Variants in SPRN observed in about 807,000 individuals in gnomAD.
The protein encoded by SPRN is shadow of prion protein.
For missense variants in SPRN, 312 were observed against 241.4 expected, an observed-to-expected ratio of 1.29 and a Z score of -1.94; for synonymous variants, 182 against 123.4, an observed-to-expected ratio of 1.48 and a Z score of -3.15.
intron 1 of SPRN, 112 bp from the exon 2 acceptor site, chr10:133,423,809 G>T (rs1850308101): frequency 4.1e-6 from 3 of 724,656 alleles, no homozygotes; most frequent in Non-Finnish European, 6.1e-6. Context: ...GGATCAGGGT[G>T]CCCCCAGCAT....
In SPRN at chr10:133,423,607, C is replaced by T. The variant is rs750673221; in HGVS notation, c.75G>A (p.Lys25=). The T allele has an allele frequency of 6.5e-6, 10 of 1,538,286 alleles. No individual in the cohort carries two copies. The highest frequency in any genetic ancestry group is 8.7e-6 in the Non-Finnish European group (10 of 1,147,182). The stretch of plus-strand genomic sequence containing the variant: ...TGCCCCGCGCACCTCCGCGGCCGCC[C>T]TTGGCTGCGCCGCTGTCGCAGAGGA... ...AAFLCDSGAA[K]GGRGGARGSA... is the part of the protein sequence containing the mutation. The change falls in exon 2 of 2, where the codon AAG becomes AAA. Residue 25 remains lysine, a synonymous_variant. Transcript: ENST00000685335.
Position 133,423,470 on chromosome 10 carries a change from G to C in SPRN, c.212C>G (p.Ala71Gly). The C allele has an allele frequency of 8.6e-7, 1 of 1,163,574 alleles. No homozygotes were observed. Among genetic ancestry groups the C allele is most frequent in the East Asian group, 4.0e-5 (1 of 24,866 alleles). The allele number at this position is 1,163,574 out of a possible 1,614,324, so 72.1% of individuals were successfully genotyped here. A position where few individuals can be genotyped will look rare whatever the true frequency, so the allele number is the denominator to read the frequency against. Residue 71 changes from alanine to glycine, a missense_variant, in exon 2 of 2, where the codon GCG (alanine) becomes GGG (glycine). Transcript: ENST00000685335. ...GSSLRVAAAGAAAGAAAGAAA... is the reference protein window; with the variant it reads ...GSSLRVAAAGGAAGAAAGAAA... The stretch of plus-strand genomic sequence containing the variant: ...CGCTCCCGCCGCCGCCCCGGCTGCC[G>C]CCCCGGCGGCAGCCACGCGCAGGGA...
Position 133,423,174 on chromosome 10 carries a change from T to C in SPRN, c.*52A>G. ...AGGGGGAGCCCAGGCCGGAGGATCCTGGGGGATGGCGCGGGCCGGGGGCCA... is the reference window on the plus strand; with the variant it reads ...AGGGGGAGCCCAGGCCGGAGGATCCCGGGGGATGGCGCGGGCCGGGGGCCA... On this transcript the variant is annotated 3_prime_UTR_variant, in exon 2 of 2. Coordinates refer to ENST00000685335, the MANE Select transcript of SPRN (RefSeq NM_001391974.1). The C allele has an allele frequency of 2.2e-6, 3 of 1,361,682 alleles. No homozygotes were observed. Among genetic ancestry groups the C allele is most frequent in the South Asian group, 1.7e-5 (1 of 59,636 alleles). 84.3% of individuals were successfully genotyped at this position (1,361,682 alleles called of 1,614,324 possible).
rs1268661492 is a variant in SPRN at position 133,420,858 on chromosome 10, A to AC, written c.*2367dup. The AC allele has an allele frequency of 6.6e-6, 1 of 152,260 alleles. No individual in the cohort carries two copies. The highest frequency in any genetic ancestry group is 1.5e-5 in the Non-Finnish European group (1 of 68,118). The allele number at this position is 152,260 out of a possible 1,614,324, so 9.4% of individuals were successfully genotyped here. On this transcript the variant is annotated 3_prime_UTR_variant, in exon 2 of 2. Transcript: ENST00000685335. ...AGGCCGCCCGGCATGGGCAGTAGAGACCCCTGGCCTCTGAGCACCTTCTAG... is the reference window on the plus strand; with the variant it reads ...AGGCCGCCCGGCATGGGCAGTAGAGACCCCCTGGCCTCTGAGCACCTTCTAG...
At position 133,423,022 on chromosome 10, in the gene SPRN, C is replaced by G; in HGVS notation, c.*204G>C. The G allele has an allele frequency of 1.9e-6, 1 of 513,354 alleles. No individual in the cohort carries two copies. Among genetic ancestry groups the G allele is most frequent in the Non-Finnish European group, 3.4e-6 (1 of 298,374 alleles). 31.8% of individuals were successfully genotyped at this position (513,354 alleles called of 1,614,324 possible). On this transcript the variant is annotated 3_prime_UTR_variant, in exon 2 of 2. Coordinates refer to ENST00000685335, the MANE Select transcript of SPRN (RefSeq NM_001391974.1). ...ATCCTGGAGTGGGTGGGGCAGGGCC[C>G]ATGGTCTCCTCTAGGTGGGAGGTGG... is the stretch of plus-strand genomic sequence containing the variant.
Position 133,423,259 on chromosome 10 carries a change from G to A in SPRN, c.423C>T (p.Gly141=), listed in dbSNP as rs903982263. ...RGPRLCLVLG[G]ALGALGLLRP ...GCAGCAGCCCCAGGGCTCCGAGGGC[G>A]CCGCCCAGCACGAGACAGAGACGCG... Residue 141 remains glycine, a synonymous_variant, in exon 2 of 2, where the codon GGC becomes GGT. Coordinates refer to ENST00000685335, the MANE Select transcript of SPRN (RefSeq NM_001391974.1). The A allele has an allele frequency of 4.7e-6, 7 of 1,490,720 alleles. No homozygotes were observed. The highest frequency in any genetic ancestry group is 1.4e-5 in the African/African-American group (1 of 69,074). 92.3% of individuals were successfully genotyped at this position (1,490,720 alleles called of 1,614,324 possible). A position where few individuals can be genotyped will look rare whatever the true frequency, so the allele number is the denominator to read the frequency against.
rs897069213 is a variant in SPRN at position 133,423,293 on chromosome 10, G to T, written c.389C>A (p.Thr130Lys). 2.0e-6 allele frequency: 3 copies of T among 1,519,366 alleles called. No individual in the cohort carries two copies. The highest frequency in any genetic ancestry group is 1.2e-5 in the South Asian group (1 of 81,850). 94.1% of individuals were successfully genotyped at this position (1,519,366 alleles called of 1,614,324 possible). A position where few individuals can be genotyped will look rare whatever the true frequency, so the allele number is the denominator to read the frequency against. ...CACGAGACAGAGACGCGGGCCGCGC[G>T]TGGGTCCAGCGCCCGAAGTCCACGC... The part of the protein sequence containing the change: ...YRAWTSGAGP[T>K]RGPRLCLVLG... The change falls in exon 2 of 2, where the codon ACG (threonine) becomes AAG (lysine). Residue 130 changes from threonine (T) to lysine (K), a missense_variant. Thr to Lys is a moderately conservative substitution (Grantham distance 78). Transcript: ENST00000685335.
chr10:133,423,146 G>A lies in SPRN; in HGVS notation c.*80C>T. 7.6e-7 allele frequency: 1 copy of A among 1,313,112 alleles called. No individual in the cohort carries two copies. The highest frequency in any genetic ancestry group is 3.0e-5 in the Admixed American group (1 of 32,848). 81.3% of individuals were successfully genotyped at this position (1,313,112 alleles called of 1,614,324 possible). On this transcript the variant is annotated 3_prime_UTR_variant, in exon 2 of 2. Coordinates refer to ENST00000685335, the MANE Select transcript of SPRN (RefSeq NM_001391974.1). Reference sequence around the variant, plus strand: ...GGGCTCCAAGACCGTGGGCAAGGGAGGAAGGGGGAGCCCAGGCCGGAGGAT... The same window carrying A: ...GGGCTCCAAGACCGTGGGCAAGGGAAGAAGGGGGAGCCCAGGCCGGAGGAT...
rs1850273086 is a variant in SPRN, at chr10:133,422,682, G to C, written c.*544C>G. On this transcript the variant is annotated 3_prime_UTR_variant, in exon 2 of 2. Transcript: ENST00000685335. ...TTTTCCTGCTTGGGAATGTTCCTGGGCTGTGAGATCCACTCTTCTGGGCAG... is the reference window on the plus strand; with the variant it reads ...TTTTCCTGCTTGGGAATGTTCCTGGCCTGTGAGATCCACTCTTCTGGGCAG... 1 of 152,462 alleles carries C rather than the reference G, an allele frequency of 6.6e-6. No homozygotes were observed. The highest frequency in any genetic ancestry group is 2.4e-5 in the African/African-American group (1 of 41,554). The allele number at this position is 152,462 out of a possible 1,614,324, so 9.4% of individuals were successfully genotyped here. A position where few individuals can be genotyped will look rare whatever the true frequency, so the allele number is the denominator to read the frequency against.
rs1255716418 is a variant in SPRN, at chr10:133,421,601, C to T, written c.*1625G>A. ...GAAGGGGTGGAGGAGCGTCTGGGCT[C>T]ACTGGGCCAGGGGCATTGCTGGCAG... On this transcript the variant is annotated 3_prime_UTR_variant, in exon 2 of 2. Transcript: ENST00000685335. The T allele has an allele frequency of 6.5e-6, 1 of 153,714 alleles. No individual in the cohort carries two copies. Among genetic ancestry groups the T allele is most frequent in the East Asian group, 1.9e-4 (1 of 5,218 alleles). The allele number at this position is 153,714 out of a possible 1,614,324, so 9.5% of individuals were successfully genotyped here.
chr10:133,423,369 C>G lies in SPRN; in HGVS notation c.313G>C (p.Asp105His). The part of the protein sequence containing the change: ...PGERGLEDEE[D>H]GVPGGNGTGP... ...GTCCCGTTGCCTCCGGGCACCCCGTCCTCCTCGTCCTCCAGGCCGCGTTCC... is the reference window on the plus strand; with the variant it reads ...GTCCCGTTGCCTCCGGGCACCCCGTGCTCCTCGTCCTCCAGGCCGCGTTCC... The change falls in exon 2 of 2, where the codon GAC becomes CAC. Residue 105 changes from aspartate (D) to histidine (H), a missense_variant. Transcript: ENST00000685335. 11 of 1,508,746 alleles carry G rather than the reference C, an allele frequency of 7.3e-6. No individual in the cohort carries two copies. The highest frequency in any genetic ancestry group is 9.7e-6 in the Non-Finnish European group (11 of 1,133,984). The allele number at this position is 1,508,746 out of a possible 1,614,324, so 93.5% of individuals were successfully genotyped here. A position where few individuals can be genotyped will look rare whatever the true frequency, so the allele number is the denominator to read the frequency against.
Position 133,423,091 on chromosome 10 carries a change from A to T in SPRN, c.*135T>A. On this transcript the variant is annotated 3_prime_UTR_variant, in exon 2 of 2. Coordinates refer to ENST00000685335, the MANE Select transcript of SPRN (RefSeq NM_001391974.1). The stretch of plus-strand genomic sequence containing the variant: ...GCAGGACGGTGGATGGCGGGTCCAC[A>T]GGGACAGCCAGCAGCTCCTGCACCC... The T allele has an allele frequency of 2.1e-6, 2 of 953,950 alleles. No individual in the cohort carries two copies. The highest frequency in any genetic ancestry group is 3.0e-6 in the Non-Finnish European group (2 of 663,460). The allele number at this position is 953,950 out of a possible 1,614,324, so 59.1% of individuals were successfully genotyped here.
chr10:133,423,858 C>T (rs1162863644), intron 1 of SPRN, among the ~76,000 whole-genome samples, 161 bp from the exon 2 acceptor site: 3 of 152,190 alleles, frequency 2.0e-5, no homozygotes, highest in Admixed American at 1.3e-4. Flanking sequence ...CGCGGTTTAA[C>T]CTCTAGCATC....
Position 133,421,485 on chromosome 10 carries a change from G to A in SPRN, c.*1741C>T, listed in dbSNP as rs934641515. 4 of 152,776 alleles carry A rather than the reference G, an allele frequency of 2.6e-5. No homozygotes were observed. Among genetic ancestry groups the A allele is most frequent in the African/African-American group, 9.7e-5 (4 of 41,440 alleles). 9.5% of individuals were successfully genotyped at this position (152,776 alleles called of 1,614,324 possible). On this transcript the variant is annotated 3_prime_UTR_variant, in exon 2 of 2. Transcript: ENST00000685335. ...ACTCAGACCACCCCCTGCCTCCTGG[G>A]GGAAATGTCAGAAGGGCTTCTCTGC... is the stretch of plus-strand genomic sequence containing the variant.
In SPRN at chr10:133,423,364, C is replaced by T. The variant is rs1419619892; in HGVS notation, c.318G>A (p.Gly106=). 4.0e-5 allele frequency: 61 copies of T among 1,512,546 alleles called. No homozygotes were observed. Among genetic ancestry groups the T allele is most frequent in the East Asian group, 2.7e-5 (1 of 37,610 alleles). 93.7% of individuals were successfully genotyped at this position (1,512,546 alleles called of 1,614,324 possible). Residue 106 remains glycine (G), a synonymous_variant, in exon 2 of 2, where the codon GGG becomes GGA. Transcript: ENST00000685335. The part of the protein sequence containing the change: ...GERGLEDEED[G]VPGGNGTGPG... Reference sequence around the variant, plus strand: ...GGCCTGTCCCGTTGCCTCCGGGCACCCCGTCCTCCTCGTCCTCCAGGCCGC... The same window carrying T: ...GGCCTGTCCCGTTGCCTCCGGGCACTCCGTCCTCCTCGTCCTCCAGGCCGC...
chr10:133,421,903 C>G lies in SPRN; in HGVS notation c.*1323G>C, dbSNP rs7080988. ...AGAGGGTGAGATCCCAAGGCCACGGCGGGGGGCAGGGAGAACCCCTCCTAC... is the reference window on the plus strand; with the variant it reads ...AGAGGGTGAGATCCCAAGGCCACGGGGGGGGGCAGGGAGAACCCCTCCTAC... On this transcript the variant is annotated 3_prime_UTR_variant, in exon 2 of 2. Transcript: ENST00000685335. The G allele has an allele frequency of 0.89, 118,826 of 133,276 alleles. 53,784 individuals are homozygous for G. The highest frequency in any genetic ancestry group is 1 in the East Asian group (4,199 of 4,220). The allele number at this position is 133,276 out of a possible 1,614,324, so 8.3% of individuals were successfully genotyped here.
Position 133,423,360 on chromosome 10 carries a change from G to C in SPRN, c.322C>G (p.Pro108Ala). 1 of 1,514,438 alleles carries C rather than the reference G, an allele frequency of 6.6e-7. No individual in the cohort carries two copies. The highest frequency in any genetic ancestry group is 8.8e-7 in the Non-Finnish European group (1 of 1,136,828). 93.8% of individuals were successfully genotyped at this position (1,514,438 alleles called of 1,614,324 possible). ...RGLEDEEDGVPGGNGTGPGIY... is the reference protein window; with the variant it reads ...RGLEDEEDGVAGGNGTGPGIY... ...CCGGGGCCTGTCCCGTTGCCTCCGG[G>C]CACCCCGTCCTCCTCGTCCTCCAGG... The change falls in exon 2 of 2, where the codon CCC (proline) becomes GCC (alanine). Residue 108 changes from proline (P) to alanine (A), a missense_variant. Coordinates refer to ENST00000685335, the MANE Select transcript of SPRN (RefSeq NM_001391974.1).
rs1435940193 is a variant in SPRN, at chr10:133,422,574, G to C, written c.*652C>G. 6.6e-6 allele frequency: 1 copy of C among 152,296 alleles called. No individual in the cohort carries two copies. The highest frequency in any genetic ancestry group is 2.4e-5 in the African/African-American group (1 of 41,430). The allele number at this position is 152,296 out of a possible 1,614,324, so 9.4% of individuals were successfully genotyped here. On this transcript the variant is annotated 3_prime_UTR_variant, in exon 2 of 2. Coordinates refer to ENST00000685335, the MANE Select transcript of SPRN (RefSeq NM_001391974.1). ...GATCTCGGCCTGAGGGTGTGGGGGA[G>C]AAGGCCTGGACAGCCCCTCAGGGCA...
Position 133,423,604 on chromosome 10 carries a change from G to A in SPRN, c.78C>T (p.Gly26=), listed in dbSNP as rs1440952283. 6.5e-7 allele frequency: 1 copy of A among 1,526,822 alleles called. No individual in the cohort carries two copies. Among genetic ancestry groups the A allele is most frequent in the Non-Finnish European group, 8.8e-7 (1 of 1,141,266 alleles). The allele number at this position is 1,526,822 out of a possible 1,614,324, so 94.6% of individuals were successfully genotyped here. A position where few individuals can be genotyped will look rare whatever the true frequency, so the allele number is the denominator to read the frequency against. ...CACTGCCCCGCGCACCTCCGCGGCC[G>A]CCCTTGGCTGCGCCGCTGTCGCAGA... The part of the protein sequence containing the change: ...AFLCDSGAAK[G]GRGGARGSAR... Residue 26 remains glycine (G), a synonymous_variant, in exon 2 of 2, where the codon GGC becomes GGT. Coordinates refer to ENST00000685335, the MANE Select transcript of SPRN (RefSeq NM_001391974.1).
Sources: gnomAD v4.1 joint callset for allele counts (sites outside exome capture counted in the v4.1 genomes callset) on GRCh38, gnomAD v4.1.1 for gene constraint, MANE v1.5 for transcripts, NCBI Gene and HGNC (gene_info 2026-07-23, HGNC 2026-07-21) for gene names.